The following ARL15 variants were observed in gnomAD, a reference collection of about 807,000 sequenced individuals.
ARL15 encodes ADP-ribosylation factor-like protein 15.
ARL15 carries 19 observed loss-of-function variants against 25.2 expected under a neutral mutation model. That is an observed-to-expected ratio of 0.75 (90% CI 0.53 to 1.10). ARL15 has a LOEUF of 1.10. ARL15 is among the 50% of genes least tolerant of loss of function. The pLI is 0.00. For missense variants in ARL15, 220 were observed against 246.0 expected, an observed-to-expected ratio of 0.89 and a Z score of 0.71; for synonymous variants, 94 against 86.8, an observed-to-expected ratio of 1.08 and a Z score of -0.46.
intron 1 of ARL15, among the ~76,000 whole-genome samples, chr5:54,184,184 G>A (rs1408951194): frequency 7.6e-6 from 1 of 132,012 alleles, no homozygotes; most frequent in Non-Finnish European, 1.6e-5. Flanking sequence ...CACCAGCATG[G>A]CACATGTATA....
chr5:54,094,746 C>T (rs983943709), intron 4 of ARL15, among the ~76,000 whole-genome samples: 1 of 152,194 alleles, frequency 6.6e-6, no homozygotes, highest in Non-Finnish European at 1.5e-5. Context: ...CACTACTCTA[C>T]ATCCAGGACA....
chr5:53,931,191 G>T (rs962666446), intron 4 of ARL15, among the ~76,000 whole-genome samples: 1 of 151,978 alleles, frequency 6.6e-6, no homozygotes, highest in Admixed American at 6.6e-5. Context: ...ATGAAAAAAC[G>T]CAGGGAAAAA....
At chr5:54,080,935 G>C (rs1751777817) in intron 4 of ARL15, among the ~76,000 whole-genome samples, 1 of 152,194 alleles carries the variant, frequency 6.6e-6, no homozygotes, top group Admixed American at 6.5e-5. Context: ...CTGGCATGCA[G>C]ATGGCCACTT....
chr5:54,095,830 C>A (rs1752268812), intron 4 of ARL15, among the ~76,000 whole-genome samples: 1 of 148,864 alleles, frequency 6.7e-6, no homozygotes, highest in Non-Finnish European at 1.5e-5. Context: ...AAAAAACATC[C>A]AAAGAGAAAA....
intron 4 of ARL15, among the ~76,000 whole-genome samples, chr5:53,984,328 G>A (rs1748220691): frequency 6.6e-6 from 1 of 152,052 alleles, no homozygotes; most frequent in East Asian, 1.9e-4. Context: ...GGTCTTATTT[G>A]ATGCAGATAA....
chr5:53,931,987 T>TA (rs561708669), intron 4 of ARL15, among the ~76,000 whole-genome samples: 361 of 152,364 alleles, frequency 2.4e-3, no homozygotes, highest in Non-Finnish European at 4.3e-3. Context: ...CTAAATCAGT[T>TA]ACTGGCCTTA....
intron 4 of ARL15, among the ~76,000 whole-genome samples, chr5:53,960,516 C>A (rs1398285338): frequency 1.3e-5 from 2 of 152,126 alleles, no homozygotes; most frequent in African/African-American, 4.8e-5. Flanking sequence ...AGCTTGTCCT[C>A]CTTTCTATTC....
At chr5:54,138,276 G>T (rs924268400) in intron 3 of ARL15, among the ~76,000 whole-genome samples, 1 of 151,964 alleles carries the variant, frequency 6.6e-6, no homozygotes. Flanking sequence ...CCAGGAGTTC[G>T]AGGCCAGCCT....
intron 1 of ARL15, among the ~76,000 whole-genome samples, chr5:54,188,635 C>T (rs751721884): frequency 1.3e-5 from 2 of 152,100 alleles, no homozygotes; most frequent in Non-Finnish European, 2.9e-5. Flanking sequence ...GGGACCCACA[C>T]AAGAGGAATA....
At chr5:54,154,735 A>T (rs1027810634) in intron 2 of ARL15, 96 bp from the exon 3 acceptor site, 3 of 705,820 alleles carry the variant, frequency 4.3e-6, no homozygotes, top group Non-Finnish European at 6.8e-6. Flanking sequence ...GCTGGTTAAG[A>T]TTTATTTACT....
intron 2 of ARL15, among the ~76,000 whole-genome samples, chr5:54,158,715 A>AC (rs1320254809): frequency 3.9e-5 from 6 of 152,152 alleles, no homozygotes; most frequent in African/African-American, 1.4e-4. Context: ...TCTACTAAAA[A>AC]TACAAAAATT....
intron 4 of ARL15, among the ~76,000 whole-genome samples, chr5:54,012,338 A>G (rs1749271838): frequency 6.6e-6 from 1 of 152,050 alleles, no homozygotes; most frequent in East Asian, 1.9e-4. Context: ...TATGGGTTCC[A>G]TGCTTGTATG....
At chr5:54,031,856 A>G (rs571295057) in intron 4 of ARL15, among the ~76,000 whole-genome samples, 13 of 152,336 alleles carry the variant, frequency 8.5e-5, no homozygotes, top group African/African-American at 2.6e-4. Context: ...TGTGATATCA[A>G]TGACAAAGTT....
At chr5:53,932,526 G>A (rs375026781) in intron 4 of ARL15, among the ~76,000 whole-genome samples, 2 of 152,276 alleles carry the variant, frequency 1.3e-5, no homozygotes, top group South Asian at 2.1e-4. Flanking sequence ...CCTTCTAAGC[G>A]GATCACCATC....
intron 2 of ARL15, among the ~76,000 whole-genome samples, chr5:54,159,469 T>C (rs1359091648): frequency 6.6e-6 from 1 of 152,214 alleles, no homozygotes; most frequent in African/African-American, 2.4e-5. Context: ...GAATTCCTCA[T>C]GTGCAAAATG....
At chr5:54,294,107 C>A (rs1217731385) in intron 1 of ARL15, among the ~76,000 whole-genome samples, 1 of 152,166 alleles carries the variant, frequency 6.6e-6, no homozygotes, top group Admixed American at 6.5e-5. Flanking sequence ...AGGTTCTCCC[C>A]AAGTCCAAAA....
At chr5:54,275,086 C>T (rs933582795) in intron 1 of ARL15, among the ~76,000 whole-genome samples, 4 of 152,094 alleles carry the variant, frequency 2.6e-5, no homozygotes, top group African/African-American at 9.7e-5. Context: ...AATTATCAAT[C>T]CAATCAGAAG....
At chr5:54,306,758 T>A (rs1758768217) in intron 1 of ARL15, among the ~76,000 whole-genome samples, 2 of 152,224 alleles carry the variant, frequency 1.3e-5, no homozygotes, top group Admixed American at 1.3e-4. Context: ...CCCTCCACTA[T>A]CTCATTTAAT....
rs571636772 is a variant in ARL15, at chr5:54,061,313, A to G, written c.462+51889T>C. 2.0e-5 allele frequency among the ~76,000 whole-genome samples: 3 copies of G among 152,344 alleles called. No homozygotes were observed. The East Asian group carries it at 5.8e-4, about 29-fold the overall frequency. On this transcript the variant is annotated intron_variant, in intron 4 of 4. Transcript: ENST00000504924. ...TGAGCTTGAGGCTGCATAGAAGTCAAGAATTGAAGTTTGGGGCTGGACATG... is the reference window on the plus strand; with the variant it reads ...TGAGCTTGAGGCTGCATAGAAGTCAGGAATTGAAGTTTGGGGCTGGACATG...
Sources: gnomAD v4.1 joint callset for allele counts (sites outside exome capture counted in the v4.1 genomes callset) on GRCh38, gnomAD v4.1.1 for gene constraint, MANE v1.5 for transcripts, NCBI Gene and HGNC (gene_info 2026-07-23, HGNC 2026-07-21) for gene names.